Variants in TRANK1 observed in about 807,000 individuals in gnomAD.
The protein encoded by TRANK1 is tetratricopeptide repeat and ankyrin repeat containing 1.
A neutral mutation model predicts 266.0 loss-of-function variants in TRANK1; 198 were observed. The ratio of observed to expected loss-of-function variants is 0.74; its 90% CI spans 0.66 to 0.84. TRANK1 has a LOEUF of 0.84. Among genes scored for constraint, TRANK1 ranks in the 40% least tolerant of loss-of-function variants. The probability of loss-of-function intolerance (pLI) is 0.00; values close to 1 mark genes in which losing one functional copy is unlikely to be tolerated. For missense variants in TRANK1, 3,326 were observed against 3,634.6 expected (o/e 0.92, Z 2.18); for synonymous variants, 1,396 against 1,384.1 (o/e 1.01, Z -0.19).
chr3:36,911,514 C>T (rs1242703415), intron 1 of TRANK1, among the ~76,000 whole-genome samples: 1 of 151,950 alleles, frequency 6.6e-6, no homozygotes, highest in African/African-American at 2.4e-5. Flanking sequence ...TCTCTAGAAA[C>T]CAAGTCAGCT....
intron 1 of TRANK1, among the ~76,000 whole-genome samples, chr3:36,936,072 T>C (rs893998626): frequency 1.3e-5 from 2 of 152,186 alleles, no homozygotes; most frequent in Admixed American, 6.5e-5. Flanking sequence ...CAAGGTAACA[T>C]ATCCCCGTGA....
chr3:36,922,927 G>C (rs957354062), intron 1 of TRANK1, among the ~76,000 whole-genome samples: 3 of 152,300 alleles, frequency 2.0e-5, no homozygotes, highest in Middle Eastern at 6.8e-3. Flanking sequence ...GCAGGGCCGA[G>C]GGAAAGCAAC....
At chr3:36,927,466 C>T (rs2080304126) in intron 1 of TRANK1, among the ~76,000 whole-genome samples, 1 of 152,190 alleles carries the variant, frequency 6.6e-6, no homozygotes, top group African/African-American at 2.4e-5. Flanking sequence ...TCACCAGACA[C>T]CTGCAAGTTA....
chr3:36,892,873 A>C lies in TRANK1; in HGVS notation c.636+28T>G, dbSNP rs1312535880. 3 of 816,690 alleles carry C rather than the reference A, an allele frequency of 3.7e-6. No homozygotes were observed. In the East Asian group the frequency reaches 1.2e-4, roughly 32 times the overall value. The allele number at this position is 816,690 out of a possible 1,614,324, so 50.6% of individuals were successfully genotyped here. On this transcript the variant is annotated intron_variant, in intron 6 of 23. Coordinates refer to ENST00000645898, the MANE Select transcript of TRANK1 (RefSeq NM_001329998.2). The stretch of plus-strand genomic sequence containing the variant: ...AAAACATATATATATATATATATAG[A>C]TATATATAGATATATATATCACCTT...
At chr3:36,927,342 G>C (rs955944526) in intron 1 of TRANK1, among the ~76,000 whole-genome samples, 5 of 152,196 alleles carry the variant, frequency 3.3e-5, no homozygotes, top group African/African-American at 1.2e-4. Context: ...AGGCTGGCAG[G>C]ACCAAGGGAA....
Position 36,857,777 on chromosome 3 carries a change from G to C in TRANK1, c.1945C>G (p.Leu649Val). 6.2e-7 allele frequency: 1 copy of C among 1,614,032 alleles called. No homozygotes were observed. Residue 649 changes from leucine (L) to valine (V), a missense_variant, in exon 13 of 24, where the codon CTG becomes GTG. Transcript: ENST00000645898. This position sits in a 1 kb window ranked among gnomAD's most constrained non-coding sequence, Gnocchi z 4.3. Reference sequence around the variant, plus strand: ...CGGCTCCTCCTCCTGTTCTCCATCAGAGCTTTGTTCCAGGCCAAGAGCAGA... The same window carrying C: ...CGGCTCCTCCTCCTGTTCTCCATCACAGCTTTGTTCCAGGCCAAGAGCAGA... ...DSLLLAWNKALMENRRRSRQD... is the reference protein window; with the variant it reads ...DSLLLAWNKAVMENRRRSRQD...
rs1187301525 is a variant in TRANK1, at chr3:36,852,149, G to A, written c.4746C>T (p.His1582=). ...CATAAAATCCCAAGCAGCTCACCTGGTGGGCTCCAAATTCAATGGGCTGAG... is the reference window on the plus strand; with the variant it reads ...CATAAAATCCCAAGCAGCTCACCTGATGGGCTCCAAATTCAATGGGCTGAG... ...RKTQPIEFGA[H]QVILVANETA... is the part of the protein sequence containing the mutation. Residue 1582 remains histidine, a synonymous_variant, in exon 14 of 24, where the codon CAC becomes CAT. Transcript: ENST00000645898. 4 of 1,583,162 alleles carry A rather than the reference G, an allele frequency of 2.5e-6. No homozygotes were observed. Among genetic ancestry groups the A allele is most frequent in the African/African-American group, 2.7e-5 (2 of 72,862 alleles).
intron 1 of TRANK1, among the ~76,000 whole-genome samples, chr3:36,936,708 T>G (rs2080430278): frequency 6.6e-6 from 1 of 152,124 alleles, no homozygotes; most frequent in South Asian, 2.1e-4. Context: ...TCGCCCCACA[T>G]TTTAGTCATG....
chr3:36,895,585 G>T, intron 5 of TRANK1, 55 bp downstream of exon 5: 1 of 1,096,234 alleles, frequency 9.1e-7, no homozygotes, highest in Non-Finnish European at 1.3e-6. Context: ...CAATGGAAAG[G>T]AATCATTTCA....
At chr3:36,897,496 C>T (rs1464814995) in intron 4 of TRANK1, among the ~76,000 whole-genome samples, 2 of 152,230 alleles carry the variant, frequency 1.3e-5, no homozygotes, top group Non-Finnish European at 2.9e-5. Flanking sequence ...CCTGCTACTA[C>T]TCTAGTCCCC....
rs1282618846 is a variant in TRANK1 at position 36,879,633 on chromosome 3, TATAAATATAC to T, written c.908-5347_908-5338del. 9.4e-5 allele frequency among the ~76,000 whole-genome samples: 8 copies of T among 84,848 alleles called. 1 individual carries two copies. The highest frequency in any genetic ancestry group is 1.1e-3 in the East Asian group (2 of 1,748). 55.7% of individuals were successfully genotyped at this position (84,848 alleles called of 152,430 possible). The stretch of plus-strand genomic sequence containing the variant: ...AAATATACAAATATATATAAATATA[TATAAATATAC>T]AAATATATATAAATATATAAATATA... On this transcript the variant is annotated intron_variant, in intron 8 of 23. Transcript: ENST00000645898.
chr3:36,944,953 G>C lies in TRANK1; in HGVS notation c.-144C>G, dbSNP rs918760397. The C allele has an allele frequency of 1.2e-6, 1 of 857,820 alleles. No homozygotes were observed. Among genetic ancestry groups the C allele is most frequent in the African/African-American group, 1.8e-5 (1 of 55,662 alleles). The allele number at this position is 857,820 out of a possible 1,614,324, so 53.1% of individuals were successfully genotyped here. On this transcript the variant is annotated 5_prime_UTR_variant, in exon 1 of 24. Transcript: ENST00000645898. ...GCGCGATGCAGAGGCGGCGTTCGGGGGCCCCCAGCTGCCTGCGGCTCGGCT... is the reference window on the plus strand; with the variant it reads ...GCGCGATGCAGAGGCGGCGTTCGGGCGCCCCCAGCTGCCTGCGGCTCGGCT...
At chr3:36,927,122 G>C (rs1441182835) in intron 1 of TRANK1, among the ~76,000 whole-genome samples, 1 of 152,070 alleles carries the variant, frequency 6.6e-6, no homozygotes, top group African/African-American at 2.4e-5. Context: ...GTTCCCCTAA[G>C]GTCCCACAGC....
rs996644936 is a variant in TRANK1 at position 36,923,285 on chromosome 3, C to T, written c.24-14831G>A. Among the ~76,000 whole-genome samples, 50 of 149,740 alleles carry T rather than the reference C, an allele frequency of 3.3e-4. No individual in the cohort carries two copies. In the East Asian group the frequency reaches 3.5e-3, roughly 11 times the overall value. On this transcript the variant is annotated intron_variant, in intron 1 of 23. Coordinates refer to ENST00000645898, the MANE Select transcript of TRANK1 (RefSeq NM_001329998.2). Reference sequence around the variant, plus strand: ...TTTTTTTTTTTTTGAGGTGGAGTCCCGCTCCAGTTGTGCAGGCTGGATTGC... The same window carrying T: ...TTTTTTTTTTTTTGAGGTGGAGTCCTGCTCCAGTTGTGCAGGCTGGATTGC...
At chr3:36,904,655 C>T (rs1027183905) in intron 2 of TRANK1, among the ~76,000 whole-genome samples, 1 of 152,140 alleles carries the variant, frequency 6.6e-6, no homozygotes, top group Non-Finnish European at 1.5e-5. Flanking sequence ...TTACTGTCCC[C>T]ACCCTCGATG....
chr3:36,944,026 G>T (rs561130353), intron 1 of TRANK1, among the ~76,000 whole-genome samples: 58 of 152,254 alleles, frequency 3.8e-4, no homozygotes, highest in African/African-American at 1.2e-3. Context: ...TATCTCAGCC[G>T]GGTTGCAAGT....
rs554491258 is a variant in TRANK1 at position 36,901,684 on chromosome 3, T to A, written c.282+1465A>T. ...AACCAAAAGAAGGTAGAGGGAAAAT[T>A]TTTTGCCTTGCCTGTAGAGGACAAT... On this transcript the variant is annotated intron_variant, in intron 3 of 23. Coordinates refer to ENST00000645898, the MANE Select transcript of TRANK1 (RefSeq NM_001329998.2). 2.9e-4 allele frequency among the ~76,000 whole-genome samples: 44 copies of A among 152,160 alleles called. No individual in the cohort carries two copies. The South Asian group carries it at 8.5e-3, about 29-fold the overall frequency.
chr3:36,868,909 T>TC (rs1482202007), intron 9 of TRANK1, among the ~76,000 whole-genome samples: 1 of 152,124 alleles, frequency 6.6e-6, no homozygotes, highest in Non-Finnish European at 1.5e-5. Context: ...GTAAGCTGAC[T>TC]CGAAAAGGCC....
chr3:36,943,265 T>C (rs1014861544), intron 1 of TRANK1, among the ~76,000 whole-genome samples: 1 of 152,118 alleles, frequency 6.6e-6, no homozygotes, highest in Admixed American at 6.6e-5. Flanking sequence ...AACTATACCA[T>C]GAAGCTCTTG....
Sources: allele counts gnomAD v4.1 joint callset (sites outside exome capture counted in the v4.1 genomes callset), GRCh38; gene constraint gnomAD v4.1.1; non-coding constraint Gnocchi (gnomAD v3.1); transcripts MANE v1.5; gene names NCBI Gene and HGNC (gene_info 2026-07-23, HGNC 2026-07-21).